SULT4A1: variants seen among roughly 807,000 people sequenced by gnomAD.
The protein encoded by SULT4A1 is sulfotransferase family 4A member 1, also known as sulfotransferase 4A1.
SULT4A1 carries 11 observed loss-of-function variants against 35.2 expected under a neutral mutation model. The observed-to-expected ratio is 0.31, with a 90% confidence interval of 0.20 to 0.52. The LOEUF (loss-of-function observed/expected upper bound fraction) is 0.52. Among genes scored for constraint, SULT4A1 ranks in the 20% least tolerant of loss-of-function variants. SULT4A1 has a pLI of 0.97. For synonymous variants in SULT4A1, 152 were observed against 151.8 expected (o/e 1.00, Z -0.01); for missense variants, 271 against 383.7 (o/e 0.71, Z 2.45).
chr22:43,836,781 G>C (rs1040537458), intron 4 of SULT4A1, among the ~76,000 whole-genome samples: 4 of 151,230 alleles, frequency 2.6e-5, no homozygotes, highest in Non-Finnish European at 5.9e-5. Flanking sequence ...TCCTCACACT[G>C]CAGGTGCCAC....
chr22:43,839,918 C>G (rs368575589), intron 3 of SULT4A1, 27 bp downstream of exon 3: 2 of 1,586,742 alleles, frequency 1.3e-6, no homozygotes, highest in Non-Finnish European at 1.7e-6. Flanking sequence ...GGACTCATCT[C>G]GGGAGGCAGA....
intron 1 of SULT4A1, among the ~76,000 whole-genome samples, chr22:43,859,408 A>C (rs1321362933): frequency 6.6e-6 from 1 of 152,228 alleles, no homozygotes; most frequent in Non-Finnish European, 1.5e-5. Context: ...AAATAAACTC[A>C]GGGCAGTGGG....
intron 1 of SULT4A1, among the ~76,000 whole-genome samples, chr22:43,861,951 G>T (rs1409871843): frequency 1.3e-5 from 2 of 152,194 alleles, no homozygotes; most frequent in South Asian, 2.1e-4. Flanking sequence ...GGCCAAATAG[G>T]CTCCATCTCC....
intron 6 of SULT4A1, chr22:43,827,526 T>A: frequency 3.0e-6 from 4 of 1,354,150 alleles, no homozygotes; most frequent in Non-Finnish European, 3.9e-6. Flanking sequence ...GGTTTAGGAT[T>A]TGGAATCAAG....
chr22:43,850,123 G>C (rs1229171157), intron 1 of SULT4A1, among the ~76,000 whole-genome samples: 2 of 152,180 alleles, frequency 1.3e-5, no homozygotes, highest in Non-Finnish European at 2.9e-5. Context: ...GAAAAAGTCA[G>C]TCCTGTAAGG....
Position 43,836,230 on chromosome 22 carries a change from G to A in SULT4A1, c.509-2496C>T, listed in dbSNP as rs549742603. ...GCCACAGGGACCCTGTCCACACAGC[G>A]TCCTCCAACTGCAGGTGCCACAGGG... On this transcript the variant is annotated intron_variant, in intron 4 of 6. Transcript: ENST00000330884. Among the ~76,000 whole-genome samples, 12 of 128,590 alleles carry A rather than the reference G, an allele frequency of 9.3e-5. No individual in the cohort carries two copies. The East Asian group carries it at 1.0e-3, about 11-fold the overall frequency. The allele number at this position is 128,590 out of a possible 152,430, so 84.4% of individuals were successfully genotyped here.
intron 1 of SULT4A1, among the ~76,000 whole-genome samples, chr22:43,850,073 G>C (rs1000310438): frequency 6.6e-6 from 1 of 152,184 alleles, no homozygotes; most frequent in African/African-American, 2.4e-5. Context: ...TCCCGCCTGC[G>C]AAGCAGTCGG....
intron 1 of SULT4A1, among the ~76,000 whole-genome samples, chr22:43,845,294 G>A (rs1239408049): frequency 6.6e-6 from 1 of 152,102 alleles, no homozygotes; most frequent in Middle Eastern, 3.2e-3. Context: ...TCAGCCTCCG[G>A]GGCACATGCC....
chr22:43,848,957 A>G (rs573453224), intron 1 of SULT4A1, among the ~76,000 whole-genome samples: 3 of 152,226 alleles, frequency 2.0e-5, no homozygotes, highest in African/African-American at 7.2e-5. Context: ...TGGAAGCAGT[A>G]ATTCACAGAA....
intron 1 of SULT4A1, among the ~76,000 whole-genome samples, chr22:43,842,979 C>CTCTG (rs2063446248): frequency 6.8e-6 from 1 of 146,050 alleles, no homozygotes; most frequent in Non-Finnish European, 1.5e-5. Context: ...AACAGCATCT[C>CTCTG]TCTCTCTCTC....
At chr22:43,849,414 C>G (rs1207714930) in intron 1 of SULT4A1, among the ~76,000 whole-genome samples, 1 of 152,222 alleles carries the variant, frequency 6.6e-6, no homozygotes, top group African/African-American at 2.4e-5. Context: ...GATGTTATCT[C>G]TTCCAAAACC....
chr22:43,850,570 T>A (rs1470388815), intron 1 of SULT4A1, among the ~76,000 whole-genome samples: 1 of 152,200 alleles, frequency 6.6e-6, no homozygotes, highest in East Asian at 1.9e-4. Flanking sequence ...CTCGATCCTG[T>A]TTGCTGCTTG....
In SULT4A1 at chr22:43,862,263, G is replaced by T; in HGVS notation, c.120C>A (p.Asn40Lys). 1.9e-6 allele frequency: 3 copies of T among 1,570,256 alleles called. No individual in the cohort carries two copies. The highest frequency in any genetic ancestry group is 2.6e-6 in the Non-Finnish European group (3 of 1,157,598). ...ACACGTCGCTGGGCCGCACCGGGAA[G>T]TTGGCGATCTCCTCCATCTTCCCGC... ...FCRGKMEEIA[N>K]FPVRPSDVWI... The change falls in exon 1 of 7, where the codon AAC becomes AAA. Residue 40 changes from asparagine to lysine, a missense_variant. Physicochemically the swap from Asn to Lys is moderately conservative, Grantham distance 94. Coordinates refer to ENST00000330884, the MANE Select transcript of SULT4A1 (RefSeq NM_014351.4).
At chr22:43,842,244 C>T (rs1472209099) in intron 1 of SULT4A1, among the ~76,000 whole-genome samples, 1 of 152,160 alleles carries the variant, frequency 6.6e-6, no homozygotes, top group Non-Finnish European at 1.5e-5. Context: ...GGTGACTCGG[C>T]CCAACCTGAG....
At chr22:43,858,035 G>A (rs57117621) in intron 1 of SULT4A1, among the ~76,000 whole-genome samples, 4,930 of 101,342 alleles carry the variant, frequency 0.049, 183 homozygotes, top group African/African-American at 0.12. Context: ...GGGCAATAGA[G>A]TAAGATCCTG....
chr22:43,838,755 A>C, intron 4 of SULT4A1, 112 bp downstream of exon 4: 1 of 1,460,842 alleles, frequency 6.8e-7, no homozygotes. Context: ...CCTGACCTAC[A>C]TGGTCACTGT....
chr22:43,825,563 G>T lies in SULT4A1; in HGVS notation c.*438C>A, dbSNP rs2063281104. 1 of 156,556 alleles carries T rather than the reference G, an allele frequency of 6.4e-6. No individual in the cohort carries two copies. 9.7% of individuals were successfully genotyped at this position (156,556 alleles called of 1,614,324 possible). A position where few individuals can be genotyped will look rare whatever the true frequency, so the allele number is the denominator to read the frequency against. The stretch of plus-strand genomic sequence containing the variant: ...TAGATAATAAAACTACAAAAATAAA[G>T]AGTTAACCCTGAGATCTTTCTACCA... On this transcript the variant is annotated 3_prime_UTR_variant, in exon 7 of 7. Coordinates refer to ENST00000330884, the MANE Select transcript of SULT4A1 (RefSeq NM_014351.4).
intron 4 of SULT4A1, among the ~76,000 whole-genome samples, chr22:43,835,472 G>A (rs1034460959): frequency 6.6e-6 from 1 of 152,148 alleles, no homozygotes; most frequent in Non-Finnish European, 1.5e-5. Context: ...CCTGCCACCC[G>A]GCAGGATTCC....
At chr22:43,827,187 G>A (rs1447377277) in intron 6 of SULT4A1, 3 of 985,218 alleles carry the variant, frequency 3.0e-6, no homozygotes, top group Non-Finnish European at 3.6e-6. Flanking sequence ...TCTTTCCATT[G>A]TCAGCTCTCT....
Sources: allele counts gnomAD v4.1 joint callset (sites outside exome capture counted in the v4.1 genomes callset), GRCh38; gene constraint gnomAD v4.1.1; transcripts MANE v1.5; gene names NCBI Gene and HGNC (gene_info 2026-07-23, HGNC 2026-07-21).